Variants in GRM7 observed in about 807,000 individuals in gnomAD.
GRM7 encodes the protein glutamate metabotropic receptor 7.
A neutral mutation model predicts 84.5 loss-of-function variants in GRM7; 35 were observed. The ratio of observed to expected loss-of-function variants is 0.41; its 90% confidence interval spans 0.32 to 0.55. The LOEUF (loss-of-function observed/expected upper bound fraction) is 0.55. GRM7 is among the 20% of genes least tolerant of loss of function. The probability of loss-of-function intolerance (pLI) is 0.19; values close to 1 mark genes in which losing one functional copy is unlikely to be tolerated. For synonymous variants in GRM7, 487 were observed against 455.1 expected (o/e 1.07, Z -0.89); for missense variants, 1,003 against 1,194.6 (o/e 0.84, Z 2.36).
chr3:7,026,794 T>C (rs1695999281), intron 1 of GRM7, among the ~76,000 whole-genome samples: 4 of 152,252 alleles, frequency 2.6e-5, no homozygotes, highest in African/African-American at 9.6e-5. Context: ...CACTTCTCCC[T>C]GACTTTATCA....
At chr3:6,898,664 G>A (rs74320136) in intron 1 of GRM7, among the ~76,000 whole-genome samples, 2 of 152,186 alleles carry the variant, frequency 1.3e-5, no homozygotes, top group East Asian at 1.9e-4. Flanking sequence ...GGTTGGCTGA[G>A]GTTACCTATT....
chr3:7,171,233 T>G (rs564473195), intron 2 of GRM7, among the ~76,000 whole-genome samples: 1 of 152,162 alleles, frequency 6.6e-6, no homozygotes, highest in Admixed American at 6.5e-5. Flanking sequence ...GATGGACTTC[T>G]TCTCCCTGTG....
At chr3:7,512,869 G>A (rs1392013156) in intron 7 of GRM7, among the ~76,000 whole-genome samples, 5 of 152,008 alleles carry the variant, frequency 3.3e-5, no homozygotes, top group African/African-American at 4.8e-5. Flanking sequence ...GGACTCTGAT[G>A]GTGTCTTTCC....
intron 4 of GRM7, among the ~76,000 whole-genome samples, chr3:7,386,378 G>A (rs1694786857): frequency 6.6e-6 from 1 of 152,128 alleles, no homozygotes; most frequent in African/African-American, 2.4e-5. Context: ...CGCCAAAGTA[G>A]CATGCATAGT....
rs192533655 is a variant in GRM7, at chr3:7,512,263, C to A, written c.1515+50541C>A. Among the ~76,000 whole-genome samples, 15 of 152,208 alleles carry A rather than the reference C, an allele frequency of 9.9e-5. 1 individual carries two copies. Among genetic ancestry groups the A allele is most frequent in the African/African-American group, 3.4e-4 (14 of 41,540 alleles). ...CTTTTGCTTCTGTAGGAGGCTCATG[C>A]TAAGCAGAATGAGGAGATATAGGTG... On this transcript the variant is annotated intron_variant, in intron 7 of 9. Transcript: ENST00000357716.
chr3:7,047,633 G>T (rs369575205), intron 1 of GRM7, among the ~76,000 whole-genome samples: 8 of 152,190 alleles, frequency 5.3e-5, no homozygotes, highest in African/African-American at 1.9e-4. Flanking sequence ...TATTTGACAT[G>T]AATTCCTTAC....
chr3:7,472,424 C>G (rs1164136608), intron 7 of GRM7, among the ~76,000 whole-genome samples: 2 of 152,306 alleles, frequency 1.3e-5, no homozygotes, highest in Admixed American at 6.5e-5. Context: ...ATAAATGTCT[C>G]TCTCACATTT....
chr3:7,532,966 T>G (rs1201906123), intron 7 of GRM7, among the ~76,000 whole-genome samples: 2 of 151,192 alleles, frequency 1.3e-5, no homozygotes, highest in Admixed American at 6.6e-5. Flanking sequence ...TAAATACATA[T>G]GCCCCCAGTA....
At chr3:7,665,471 G>A (rs895785801) in intron 8 of GRM7, among the ~76,000 whole-genome samples, 39 of 151,958 alleles carry the variant, frequency 2.6e-4, no homozygotes, top group African/African-American at 7.5e-4. Context: ...CACCGCGCCC[G>A]GCCTTGCCCA....
intron 1 of GRM7, among the ~76,000 whole-genome samples, chr3:6,978,892 A>G (rs1448730983): frequency 6.6e-6 from 1 of 152,178 alleles, no homozygotes; most frequent in African/African-American, 2.4e-5. Flanking sequence ...GGTTTAAAAT[A>G]AAGGAGTCCC....
intron 8 of GRM7, among the ~76,000 whole-genome samples, chr3:7,676,100 T>C (rs1700110505): frequency 6.6e-6 from 1 of 152,104 alleles, no homozygotes; most frequent in Non-Finnish European, 1.5e-5. Flanking sequence ...GAAAGTGATG[T>C]GAAATACCTA....
chr3:7,248,406 A>G (rs1434337528), intron 2 of GRM7, among the ~76,000 whole-genome samples: 1 of 152,148 alleles, frequency 6.6e-6, no homozygotes, highest in African/African-American at 2.4e-5. Flanking sequence ...GACCTTCTTG[A>G]GCAGCTGAAG....
chr3:7,705,928 C>A (rs969968019), intron 9 of GRM7, among the ~76,000 whole-genome samples: 2 of 152,150 alleles, frequency 1.3e-5, no homozygotes, highest in African/African-American at 4.8e-5. Flanking sequence ...CTAGCTGCCA[C>A]ATGGAACAAT....
chr3:6,918,179 G>C (rs1193712241), intron 1 of GRM7, among the ~76,000 whole-genome samples: 4 of 152,166 alleles, frequency 2.6e-5, no homozygotes, highest in African/African-American at 9.7e-5. Flanking sequence ...GGCTGTAAAG[G>C]AAAGCTTCTT....
chr3:7,014,269 T>A lies in GRM7; in HGVS notation c.520-132183T>A, dbSNP rs144570672. On this transcript the variant is annotated intron_variant, in intron 1 of 9. Coordinates refer to ENST00000357716, the MANE Select transcript of GRM7 (RefSeq NM_000844.4). ...TTCTTGCTTTGAGCCAGGGAGGGAG[T>A]AGGCAAAGTGTGACTCAGTGGGATT... 1.5e-4 allele frequency among the ~76,000 whole-genome samples: 23 copies of A among 152,180 alleles called. No individual in the cohort carries two copies. In the East Asian group the frequency reaches 3.3e-3, roughly 22 times the overall value.
intron 1 of GRM7, among the ~76,000 whole-genome samples, chr3:6,961,494 A>C (rs1052470750): frequency 2.0e-5 from 3 of 152,132 alleles, no homozygotes; most frequent in Non-Finnish European, 4.4e-5. Context: ...AGCAGTACTG[A>C]CTGGTCATTC....
intron 9 of GRM7, among the ~76,000 whole-genome samples, chr3:7,721,198 T>C (rs948743492): frequency 3.9e-5 from 6 of 152,240 alleles, no homozygotes; most frequent in African/African-American, 1.2e-4. Flanking sequence ...GAGAAAATTT[T>C]GTTGGTATTC....
chr3:6,958,574 T>C (rs781290459), intron 1 of GRM7, among the ~76,000 whole-genome samples: 1 of 152,152 alleles, frequency 6.6e-6, no homozygotes, highest in African/African-American at 2.4e-5. Flanking sequence ...ATAATTTCAT[T>C]TTCTAAGACA....
chr3:7,493,693 G>T (rs1699602946), intron 7 of GRM7, among the ~76,000 whole-genome samples: 1 of 151,830 alleles, frequency 6.6e-6, no homozygotes, highest in Non-Finnish European at 1.5e-5. Context: ...TAATATATTA[G>T]TGCTTTATTC....
Sources: allele counts gnomAD v4.1 joint callset (sites outside exome capture counted in the v4.1 genomes callset), GRCh38; gene constraint gnomAD v4.1.1; transcripts MANE v1.5; gene names NCBI Gene and HGNC (gene_info 2026-07-23, HGNC 2026-07-21).